Variants in ABTB2 observed in about 807,000 individuals in gnomAD.
ABTB2 encodes the protein ankyrin repeat and BTB domain containing 2, also known as ankyrin repeat and BTB/POZ domain-containing protein 2.
In ABTB2, 56 loss-of-function variants were observed where a neutral mutation model predicts 104.1. That is an observed-to-expected ratio of 0.54 (90% confidence interval 0.43 to 0.67). The LOEUF (loss-of-function observed/expected upper bound fraction) is 0.67, where lower values mean the gene tolerates loss of function less well. Among genes scored for constraint, ABTB2 ranks in the 30% least tolerant of loss-of-function variants. The probability of loss-of-function intolerance (pLI) is 0.00; values close to 1 mark genes in which losing one functional copy is unlikely to be tolerated. For synonymous variants in ABTB2, 606 were observed against 608.2 expected (o/e 1.00, Z 0.05); for missense variants, 1,279 against 1,407.7 (o/e 0.91, Z 1.46).
intron 1 of ABTB2, among the ~76,000 whole-genome samples, chr11:34,289,581 CG>C (rs1228788346): frequency 1.3e-5 from 2 of 152,234 alleles, no homozygotes; most frequent in East Asian, 3.9e-4. Flanking sequence ...ACTCCAGGAC[CG>C]TAAGGAGGAA....
intron 1 of ABTB2, among the ~76,000 whole-genome samples, chr11:34,256,836 C>T (rs905230741): frequency 1.3e-5 from 2 of 152,190 alleles, no homozygotes; most frequent in Non-Finnish European, 2.9e-5. Flanking sequence ...AGGAAAATTA[C>T]AACCTAAAAA....
At chr11:34,199,006 A>C (rs551266079) in intron 2 of ABTB2, among the ~76,000 whole-genome samples, 6 of 152,262 alleles carry the variant, frequency 3.9e-5, no homozygotes, top group African/African-American at 1.4e-4. Flanking sequence ...TCATTTACTC[A>C]ATTAACCTTC....
intron 3 of ABTB2, among the ~76,000 whole-genome samples, chr11:34,187,869 G>A (rs1178157019): frequency 6.6e-6 from 1 of 152,176 alleles, no homozygotes; most frequent in Non-Finnish European, 1.5e-5. Flanking sequence ...GGGAGGGATG[G>A]ATGAGAAGGA....
intron 1 of ABTB2, among the ~76,000 whole-genome samples, chr11:34,263,825 C>T (rs1385010745): frequency 6.6e-6 from 1 of 152,152 alleles, no homozygotes; most frequent in Admixed American, 6.5e-5. Flanking sequence ...ATCAGGCATG[C>T]GCAAGACACT....
intron 1 of ABTB2, among the ~76,000 whole-genome samples, chr11:34,268,516 T>C (rs2755167): frequency 0.13 from 20,465 of 152,202 alleles, 4,029 homozygotes; most frequent in African/African-American, 0.43. Context: ...TCATTGGAAC[T>C]TGCCGTGCCT....
At chr11:34,266,012 G>A (rs1228469583) in intron 1 of ABTB2, among the ~76,000 whole-genome samples, 1 of 152,114 alleles carries the variant, frequency 6.6e-6, no homozygotes, top group Non-Finnish European at 1.5e-5. Context: ...AAGCAGATCT[G>A]CCTGAGTTGG....
At chr11:34,284,448 C>T (rs768841762) in intron 1 of ABTB2, among the ~76,000 whole-genome samples, 6 of 152,240 alleles carry the variant, frequency 3.9e-5, no homozygotes, top group Non-Finnish European at 7.3e-5. Flanking sequence ...CAGAATCACC[C>T]TTGGGTACCT....
chr11:34,177,151 G>C (rs1359743737), intron 3 of ABTB2, among the ~76,000 whole-genome samples: 1 of 152,172 alleles, frequency 6.6e-6, no homozygotes, highest in Non-Finnish European at 1.5e-5. Context: ...ACCACGTGTG[G>C]CTACTAAAAC....
rs550795483 is a variant in ABTB2, at chr11:34,245,412, C to T, written c.884-40722G>A. Among the ~76,000 whole-genome samples, 15 of 152,278 alleles carry T rather than the reference C, an allele frequency of 9.9e-5. 1 individual carries two copies. Among genetic ancestry groups the T allele is most frequent in the South Asian group, 6.2e-4 (3 of 4,824 alleles). On this transcript the variant is annotated intron_variant, in intron 1 of 16. Coordinates refer to ENST00000435224, the MANE Select transcript of ABTB2 (RefSeq NM_145804.3). ...CCACCCAGGACCAGGTATCCACTTCCGGCATCTTTCTATGGAAGCCGACTG... is the reference window on the plus strand; with the variant it reads ...CCACCCAGGACCAGGTATCCACTTCTGGCATCTTTCTATGGAAGCCGACTG...
At chr11:34,216,544 A>G (rs1004203456) in intron 1 of ABTB2, among the ~76,000 whole-genome samples, 3 of 152,160 alleles carry the variant, frequency 2.0e-5, no homozygotes. Context: ...TGAGGTCAGG[A>G]GTTCAAGAGC....
rs34915007 is a variant in ABTB2, at chr11:34,226,204, TAAAAAAAAAA to T, written c.884-21524_884-21515del. ...GTGAAAGACTGAGCTGAGAGTCCATTAAAAAAAAAAAAAAAAAAAAAAAGAAGCCACTACC... is the reference window on the plus strand; with the variant it reads ...GTGAAAGACTGAGCTGAGAGTCCATTAAAAAAAAAAAAAGAAGCCACTACC... On this transcript the variant is annotated intron_variant, in intron 1 of 16. Transcript: ENST00000435224. Among the ~76,000 whole-genome samples, 273 of 79,622 alleles carry T rather than the reference TAAAAAAAAAA, an allele frequency of 3.4e-3. 1 individual carries two copies. The highest frequency in any genetic ancestry group is 0.012 in the African/African-American group (245 of 20,216). The allele number at this position is 79,622 out of a possible 152,430, so 52.2% of individuals were successfully genotyped here.
intron 3 of ABTB2, among the ~76,000 whole-genome samples, chr11:34,191,560 G>T (rs1853177121): frequency 6.6e-6 from 1 of 152,124 alleles, no homozygotes; most frequent in Non-Finnish European, 1.5e-5. Context: ...CCTGTCTGGG[G>T]GTGCAGAACT....
chr11:34,270,870 G>C (rs1854306537), intron 1 of ABTB2, among the ~76,000 whole-genome samples: 1 of 152,202 alleles, frequency 6.6e-6, no homozygotes, highest in African/African-American at 2.4e-5. Context: ...AAGAGTGCTA[G>C]GTTGAAAGAT....
intron 2 of ABTB2, among the ~76,000 whole-genome samples, chr11:34,203,092 C>G (rs529094966): frequency 1.3e-5 from 2 of 152,140 alleles, no homozygotes; most frequent in African/African-American, 4.8e-5. Flanking sequence ...GGATCAGCCC[C>G]GATCTTGATC....
intron 1 of ABTB2, among the ~76,000 whole-genome samples, chr11:34,221,620 C>T (rs1005668045): frequency 3.9e-5 from 6 of 152,212 alleles, no homozygotes; most frequent in Non-Finnish European, 8.8e-5. Context: ...GTGGTGACGG[C>T]AAATCTAGCC....
intron 1 of ABTB2, among the ~76,000 whole-genome samples, chr11:34,306,099 C>CT (rs563046372): frequency 3.9e-4 from 59 of 152,256 alleles, no homozygotes; most frequent in African/African-American, 1.4e-3. Context: ...GTCACATTCT[C>CT]TAAGAATACA....
chr11:34,219,556 A>G (rs1853590375), intron 1 of ABTB2, among the ~76,000 whole-genome samples: 1 of 152,154 alleles, frequency 6.6e-6, no homozygotes, highest in Non-Finnish European at 1.5e-5. Flanking sequence ...AAACAAACAA[A>G]CAAAAAAAGA....
chr11:34,260,696 G>T (rs1239671857), intron 1 of ABTB2, among the ~76,000 whole-genome samples: 1 of 152,140 alleles, frequency 6.6e-6, no homozygotes. Context: ...CATCCAATCG[G>T]TACCCCTCAT....
chr11:34,258,361 G>T (rs995038367), intron 1 of ABTB2, among the ~76,000 whole-genome samples: 1 of 151,990 alleles, frequency 6.6e-6, no homozygotes, highest in Non-Finnish European at 1.5e-5. Flanking sequence ...GTAAGAGGAG[G>T]TACCATCACA....
Sources: gnomAD v4.1 joint callset for allele counts (sites outside exome capture counted in the v4.1 genomes callset) on GRCh38, gnomAD v4.1.1 for gene constraint, MANE v1.5 for transcripts, NCBI Gene and HGNC (gene_info 2026-07-23, HGNC 2026-07-21) for gene names.